Variants in MMP17 observed in about 807,000 individuals in gnomAD.
The protein encoded by MMP17 is matrix metalloproteinase-17.
MMP17 carries 54 observed loss-of-function variants against 49.1 expected under a neutral mutation model. The ratio of observed to expected loss-of-function variants is 1.10; its 90% CI spans 0.88 to 1.38. The LOEUF (loss-of-function observed/expected upper bound fraction) is 1.38, where lower values mean the gene tolerates loss of function less well. Among genes scored for constraint, MMP17 ranks in the 40% most tolerant of loss-of-function variants. The pLI is 0.00. For missense variants in MMP17, 837 were observed against 853.7 expected (o/e 0.98, Z 0.24); for synonymous variants, 397 against 383.1 (o/e 1.04, Z -0.42).
intron 1 of MMP17, 163 bp from the exon 2 acceptor site, chr12:131,838,032 C>T (rs1359785261): frequency 1.1e-6 from 1 of 870,720 alleles, no homozygotes; most frequent in African/African-American, 1.7e-5. Context: ...TTTATTAAGA[C>T]ACTTTTCCGG....
At chr12:131,842,397 C>T (rs1246554482) in intron 5 of MMP17, among the ~76,000 whole-genome samples, 7 of 152,222 alleles carry the variant, frequency 4.6e-5, no homozygotes, top group Admixed American at 1.3e-4. Flanking sequence ...CGGACCCTCC[C>T]GGCCTCAGCA....
At chr12:131,835,744 G>A (rs542754432) in intron 1 of MMP17, among the ~76,000 whole-genome samples, 57 of 152,356 alleles carry the variant, frequency 3.7e-4, no homozygotes, top group African/African-American at 1.3e-3. Flanking sequence ...TATCATAGAT[G>A]ATGTGAGGAA....
rs755897092 is a variant in MMP17, at chr12:131,844,786, TTGGGGTCCCGTGGCG to T, written c.969-312_969-298del. ...GTAGGACCGAATTCTAGGCCCGGGC[TTGGGGTCCCGTGGCG>T]TGGGGTCCCGTGGCGTGGGTGTTTG... On this transcript the variant is annotated intron_variant, in intron 6 of 9. Coordinates refer to ENST00000360564, the MANE Select transcript of MMP17 (RefSeq NM_016155.7). The T allele has an allele frequency of 1.1e-3, 393 of 356,336 alleles. 2 individuals carry two copies. Among genetic ancestry groups the T allele is most frequent in the African/African-American group, 6.9e-3 (342 of 49,304 alleles). 22.1% of individuals were successfully genotyped at this position (356,336 alleles called of 1,614,324 possible).
At chr12:131,838,157 C>A (rs763486157) in intron 1 of MMP17, 38 bp from the exon 2 acceptor site, 1 of 1,574,312 alleles carries the variant, frequency 6.4e-7, no homozygotes, top group South Asian at 1.2e-5. Context: ...AGGACCGGGC[C>A]CTCTGTTGCA....
At position 131,840,950 on chromosome 12, in the gene MMP17, G is replaced by A. The variant is rs182843819; in HGVS notation, c.706+94G>A. On this transcript the variant is annotated intron_variant, in intron 4 of 9. Coordinates refer to ENST00000360564, the MANE Select transcript of MMP17 (RefSeq NM_016155.7). ...TGGCCCCCCCATCCCCAACCCTGCG[G>A]CTGAAAACACACGCGGCTGCTCCTG... 7.5e-5 allele frequency: 104 copies of A among 1,388,178 alleles called. No individual in the cohort carries two copies. The African/African-American group carries it at 1.5e-3, about 20-fold the overall frequency. The allele number at this position is 1,388,178 out of a possible 1,614,324, so 86.0% of individuals were successfully genotyped here.
chr12:131,838,949 G>A (rs552094299), intron 3 of MMP17, among the ~76,000 whole-genome samples: 16 of 152,226 alleles, frequency 1.1e-4, no homozygotes, highest in Admixed American at 7.8e-4. Context: ...CCGTGGAGGC[G>A]GGTGCGTGGC....
intron 5 of MMP17, among the ~76,000 whole-genome samples, chr12:131,843,765 G>A (rs1887545612): frequency 6.6e-6 from 1 of 152,236 alleles, no homozygotes; most frequent in Non-Finnish European, 1.5e-5. Context: ...GTACCCCGGG[G>A]TGGAATTGCA....
intron 5 of MMP17, 99 bp from the exon 6 acceptor site, chr12:131,843,898 T>C: frequency 1.2e-6 from 1 of 817,802 alleles, no homozygotes. Flanking sequence ...GTCTGCTGAG[T>C]GGCCTCGGTT....
chr12:131,847,738 C>T (rs1188632055), intron 8 of MMP17, among the ~76,000 whole-genome samples: 1 of 152,370 alleles, frequency 6.6e-6, no homozygotes, highest in Middle Eastern at 3.4e-3. Context: ...TGGTGATGTT[C>T]GCTGTGGTCA....
At chr12:131,841,265 G>C (rs564423451) in intron 4 of MMP17, among the ~76,000 whole-genome samples, 1 of 152,340 alleles carries the variant, frequency 6.6e-6, no homozygotes, top group South Asian at 2.1e-4. Context: ...GCCCAGGCCC[G>C]TCTTGTGGGG....
intron 1 of MMP17, among the ~76,000 whole-genome samples, chr12:131,837,431 G>A (rs1363682196): frequency 6.6e-6 from 1 of 151,944 alleles, no homozygotes; most frequent in Non-Finnish European, 1.5e-5. Context: ...GCCAAGCCTG[G>A]GCTCTTATCT....
At chr12:131,829,796 G>T (rs963081392) in intron 1 of MMP17, among the ~76,000 whole-genome samples, 6 of 152,246 alleles carry the variant, frequency 3.9e-5, no homozygotes, top group Non-Finnish European at 5.9e-5. Flanking sequence ...TTGGCCAGGG[G>T]GTCTGGATGG....
In MMP17 at chr12:131,849,837, G is replaced by A; in HGVS notation, c.1240G>A (p.Glu414Lys). The change falls in exon 9 of 10, where the codon GAG becomes AAG. Residue 414 changes from glutamate (E) to lysine (K), a missense_variant. By Grantham distance (56) the Glu-to-Lys change is moderately conservative. Coordinates refer to ENST00000360564, the MANE Select transcript of MMP17 (RefSeq NM_016155.7). ...RYWVFKDNNVEEGYPRPVSDF... is the reference protein window; with the variant it reads ...RYWVFKDNNVKEGYPRPVSDF... Reference sequence around the variant, plus strand: ...CTGGGTGTTCAAGGACAATAACGTAGAGGAAGGATACCCGCGCCCCGTCTC... The same window carrying A: ...CTGGGTGTTCAAGGACAATAACGTAAAGGAAGGATACCCGCGCCCCGTCTC... 1 of 1,613,956 alleles carries A rather than the reference G, an allele frequency of 6.2e-7. No individual in the cohort carries two copies. The highest frequency in any genetic ancestry group is 8.5e-7 in the Non-Finnish European group (1 of 1,179,996).
chr12:131,850,433 C>A (rs1176516979), intron 9 of MMP17, among the ~76,000 whole-genome samples: 2 of 152,240 alleles, frequency 1.3e-5, no homozygotes, highest in Non-Finnish European at 2.9e-5. Context: ...CTGGGCATCA[C>A]CCCTGCCACG....
chr12:131,835,265 G>A (rs1887022887), intron 1 of MMP17, among the ~76,000 whole-genome samples: 1 of 152,234 alleles, frequency 6.6e-6, no homozygotes, highest in South Asian at 2.1e-4. Context: ...AGTGCCTCTG[G>A]GGCCACAGGC....
chr12:131,838,868 G>A lies in MMP17; in HGVS notation c.422+127G>A, dbSNP rs1245832808. 11 of 1,141,756 alleles carry A rather than the reference G, an allele frequency of 9.6e-6. No individual in the cohort carries two copies. The African/African-American group carries it at 1.6e-4, about 16-fold the overall frequency. The allele number at this position is 1,141,756 out of a possible 1,614,324, so 70.7% of individuals were successfully genotyped here. A position where few individuals can be genotyped will look rare whatever the true frequency, so the allele number is the denominator to read the frequency against. On this transcript the variant is annotated intron_variant, in intron 3 of 9. Transcript: ENST00000360564. ...GGGGAACGGGGTCTCCGTGGAGGCGGGTGCGTGGCCAGGGTGAGGAACAGG... is the reference window on the plus strand; with the variant it reads ...GGGGAACGGGGTCTCCGTGGAGGCGAGTGCGTGGCCAGGGTGAGGAACAGG...
At chr12:131,843,587 C>A (rs369968364) in intron 5 of MMP17, among the ~76,000 whole-genome samples, 2 of 152,186 alleles carry the variant, frequency 1.3e-5, no homozygotes, top group East Asian at 3.9e-4. Flanking sequence ...AGGTTCACCC[C>A]ATGGTAGCAT....
In MMP17 at chr12:131,842,477, G is replaced by A. The variant is rs1887465153; in HGVS notation, c.883+677G>A. ...CACTGTAGTAAAATTCACATCCCAT[G>A]CAATTCACTTTTTTGGCCGGATGCA... On this transcript the variant is annotated intron_variant, in intron 5 of 9. Transcript: ENST00000360564. 2.0e-5 allele frequency among the ~76,000 whole-genome samples: 3 copies of A among 152,258 alleles called. No homozygotes were observed. The South Asian group carries it at 6.2e-4, about 32-fold the overall frequency.
chr12:131,849,881 T>C lies in MMP17; in HGVS notation c.1284T>C (p.Pro428=). 6.2e-7 allele frequency: 1 copy of C among 1,614,046 alleles called. No individual in the cohort carries two copies. Among genetic ancestry groups the C allele is most frequent in the Non-Finnish European group, 8.5e-7 (1 of 1,180,012 alleles). ...PRPVSDFSLP[P]GGIDAAFSWA... Reference sequence around the variant, plus strand: ...CCGTCTCCGACTTCAGCCTCCCGCCTGGCGGCATCGACGCTGCCTTCTCCT... The same window carrying C: ...CCGTCTCCGACTTCAGCCTCCCGCCCGGCGGCATCGACGCTGCCTTCTCCT... Residue 428 remains proline, a synonymous_variant, in exon 9 of 10, where the codon CCT becomes CCC. Transcript: ENST00000360564.
Sources: gnomAD v4.1 joint callset for allele counts (sites outside exome capture counted in the v4.1 genomes callset) on GRCh38, gnomAD v4.1.1 for gene constraint, MANE v1.5 for transcripts, NCBI Gene and HGNC (gene_info 2026-07-23, HGNC 2026-07-21) for gene names.